EPN2: variants seen among roughly 807,000 people sequenced by gnomAD.
The protein encoded by EPN2 is epsin-2.
EPN2 carries 34 observed loss-of-function variants against 61.7 expected under a neutral mutation model. That is an observed-to-expected ratio of 0.55 (90% CI 0.42 to 0.73). The LOEUF is 0.73. EPN2 is among the 30% of genes least tolerant of loss of function. EPN2 has a pLI of 0.00. For missense variants in EPN2, 714 were observed against 839.2 expected (o/e 0.85, Z 1.84); for synonymous variants, 349 against 353.6 (o/e 0.99, Z 0.15).
At chr17:19,292,263 TGA>T (rs759168962) in intron 4 of EPN2, among the ~76,000 whole-genome samples, 1 of 152,158 alleles carries the variant, frequency 6.6e-6, no homozygotes, top group Non-Finnish European at 1.5e-5. Flanking sequence ...CGCCCGGGGC[TGA>T]GAGGTGGTTG....
Position 19,283,845 on chromosome 17 carries a change from G to C in EPN2, c.595+131G>C, listed in dbSNP as rs1352322540. The C allele has an allele frequency of 1.5e-6, 1 of 676,010 alleles. No individual in the cohort carries two copies. The highest frequency in any genetic ancestry group is 2.4e-6 in the Non-Finnish European group (1 of 408,438). The allele number at this position is 676,010 out of a possible 1,614,324, so 41.9% of individuals were successfully genotyped here. A position where few individuals can be genotyped will look rare whatever the true frequency, so the allele number is the denominator to read the frequency against. On this transcript the variant is annotated intron_variant, in intron 3 of 10. Coordinates refer to ENST00000314728, the MANE Select transcript of EPN2 (RefSeq NM_014964.5). This position sits in a 1 kb window ranked among gnomAD's most constrained non-coding sequence, Gnocchi z 7.0. ...AACCTGTCCTCAGTACCCAGCTTTT[G>C]GTGGCCCAGGCAAATTGTCCTTGGT... is the stretch of plus-strand genomic sequence containing the variant.
chr17:19,279,212 A>G (rs185882216), intron 1 of EPN2, among the ~76,000 whole-genome samples: 1 of 152,248 alleles, frequency 6.6e-6, no homozygotes, highest in Non-Finnish European at 1.5e-5. Flanking sequence ...TTCCCAGCTT[A>G]TGTCTGGGAG....
chr17:19,315,710 C>T (rs1011134358), intron 7 of EPN2, among the ~76,000 whole-genome samples: 1 of 152,130 alleles, frequency 6.6e-6, no homozygotes, highest in Non-Finnish European at 1.5e-5. Context: ...GTCTCAAACT[C>T]CTGACCTTAA....
chr17:19,295,366 A>ACGCGCGCGCGCGCGCGCGCG (rs1555600589), intron 4 of EPN2, among the ~76,000 whole-genome samples: 1 of 140,318 alleles, frequency 7.1e-6, no homozygotes. Context: ...ACACACACAC[A>ACGCGCGCGCGCGCGCGCGCG]CGCGCGTGCG....
chr17:19,273,808 C>T (rs974285629), intron 1 of EPN2, among the ~76,000 whole-genome samples: 4 of 152,170 alleles, frequency 2.6e-5, no homozygotes, highest in African/African-American at 7.2e-5. Context: ...TTTCATTTCT[C>T]TACGGGATGA....
At position 19,285,861 on chromosome 17, in the gene EPN2, C is replaced by T; in HGVS notation, c.766+71C>T. ...CTTGCTGGGGGTGTGCTTGCCATGC[C>T]AGTACAGCCAACTCTCTCCCTGTCT... On this transcript the variant is annotated intron_variant, in intron 4 of 10. Transcript: ENST00000314728. The surrounding 1 kb of genome is among the most constrained non-coding windows in gnomAD (Gnocchi z 4.5). The T allele has an allele frequency of 1.4e-6, 2 of 1,451,224 alleles. No homozygotes were observed. The highest frequency in any genetic ancestry group is 1.8e-6 in the Non-Finnish European group (2 of 1,091,858). 89.9% of individuals were successfully genotyped at this position (1,451,224 alleles called of 1,614,324 possible).
intron 4 of EPN2, among the ~76,000 whole-genome samples, chr17:19,289,074 GTTTTTTTTTTTTT>G (rs1162172422): frequency 1.5e-4 from 10 of 68,688 alleles, no homozygotes; most frequent in South Asian, 1.3e-3. Context: ...TTCTGGGTAT[GTTTTTTTTTTTTT>G]TTTTTTTTTT....
At chr17:19,333,679 G>A (rs1907265775) in intron 10 of EPN2, among the ~76,000 whole-genome samples, 1 of 152,170 alleles carries the variant, frequency 6.6e-6, no homozygotes, top group Admixed American at 6.5e-5. Context: ...AGGAGCCAGG[G>A]TGCCCCGAGA....
At position 19,335,338 on chromosome 17, in the gene EPN2, GA is replaced by G. The variant is rs1324689518; in HGVS notation, c.*1091del. ...ATATACCAACATCCTGAAAGTTAAAGAAAAAAATCTAATGTATGAATGTGAC... is the reference window on the plus strand; with the variant it reads ...ATATACCAACATCCTGAAAGTTAAAGAAAAAATCTAATGTATGAATGTGAC... On this transcript the variant is annotated 3_prime_UTR_variant, in exon 11 of 11. Coordinates refer to ENST00000314728, the MANE Select transcript of EPN2 (RefSeq NM_014964.5). The G allele has an allele frequency of 1.3e-6, 2 of 1,489,046 alleles. No homozygotes were observed. The highest frequency in any genetic ancestry group is 1.8e-6 in the Non-Finnish European group (2 of 1,103,470). 92.2% of individuals were successfully genotyped at this position (1,489,046 alleles called of 1,614,324 possible). A position where few individuals can be genotyped will look rare whatever the true frequency, so the allele number is the denominator to read the frequency against.
chr17:19,246,749 C>G (rs1214618081), intron 1 of EPN2, among the ~76,000 whole-genome samples: 1 of 143,740 alleles, frequency 7.0e-6, no homozygotes, highest in Non-Finnish European at 1.5e-5. Flanking sequence ...CCCCTGAAAG[C>G]AAGTCCTCCC....
At chr17:19,256,788 C>T (rs1397127144) in intron 1 of EPN2, among the ~76,000 whole-genome samples, 1 of 152,176 alleles carries the variant, frequency 6.6e-6, no homozygotes, top group Non-Finnish European at 1.5e-5. Context: ...ACAGGGTCTT[C>T]TGGGCCTTTC....
At chr17:19,263,217 C>T (rs891569555) in intron 1 of EPN2, among the ~76,000 whole-genome samples, 2 of 152,188 alleles carry the variant, frequency 1.3e-5, no homozygotes, top group Admixed American at 6.5e-5. Context: ...CCATGGCTGA[C>T]TTCAGAGGAG....
Position 19,309,922 on chromosome 17 carries a change from C to T in EPN2, c.804C>T (p.Ala268=), listed in dbSNP as rs1906037674. ...GAGTGTCCTCCGAGCTGGAGCAAGCCCGGCCCCAGACTAGTGGAGAAGAGG... is the reference window on the plus strand; with the variant it reads ...GAGTGTCCTCCGAGCTGGAGCAAGCTCGGCCCCAGACTAGTGGAGAAGAGG... ...SPRVSSELEQ[A]RPQTSGEEEL... Residue 268 remains alanine (A), a synonymous_variant, in exon 5 of 11, where the codon GCC becomes GCT. Coordinates refer to ENST00000314728, the MANE Select transcript of EPN2 (RefSeq NM_014964.5). 1 of 1,609,212 alleles carries T rather than the reference C, an allele frequency of 6.2e-7. No individual in the cohort carries two copies. Among genetic ancestry groups the T allele is most frequent in the African/African-American group, 1.3e-5 (1 of 74,922 alleles).
At chr17:19,255,651 T>G (rs1456907638) in intron 1 of EPN2, among the ~76,000 whole-genome samples, 1 of 149,650 alleles carries the variant, frequency 6.7e-6, no homozygotes, top group Non-Finnish European at 1.5e-5. Flanking sequence ...AGACAAAGAG[T>G]CTTGCTCTGT....
chr17:19,309,931 GAC>G lies in EPN2; in HGVS notation c.814_815del (p.Thr272Ter). 6.2e-7 allele frequency: 1 copy of G among 1,609,560 alleles called. No homozygotes were observed. Among genetic ancestry groups the G allele is most frequent in the Non-Finnish European group, 8.5e-7 (1 of 1,180,002 alleles). ...SSELEQARPQ[T>X]SGEEELQLQL... ...CCGAGCTGGAGCAAGCCCGGCCCCA[GAC>G]TAGTGGAGAAGAGGAGCTTCAGCTG... On this transcript the variant is annotated frameshift_variant, in exon 5 of 11. Coordinates refer to ENST00000314728, the MANE Select transcript of EPN2 (RefSeq NM_014964.5). LOFTEE classifies it high-confidence loss of function.
intron 1 of EPN2, among the ~76,000 whole-genome samples, chr17:19,262,419 C>T (rs577952519): frequency 1.3e-5 from 2 of 150,364 alleles, no homozygotes; most frequent in East Asian, 4.0e-4. Context: ...CGGAGGTTGC[C>T]GTGAGCCGAG....
At chr17:19,295,356 A>G (rs1326239205) in intron 4 of EPN2, among the ~76,000 whole-genome samples, 29 of 66,560 alleles carry the variant, frequency 4.4e-4, no homozygotes, top group East Asian at 1.2e-3. Flanking sequence ...ACACACACAC[A>G]CACACACACA....
At chr17:19,302,074 G>C (rs1905552384) in intron 4 of EPN2, among the ~76,000 whole-genome samples, 1 of 152,234 alleles carries the variant, frequency 6.6e-6, no homozygotes, top group Non-Finnish European at 1.5e-5. Context: ...GGAAGGGTTG[G>C]TAATGAAGAG....
intron 10 of EPN2, 112 bp from the exon 11 acceptor site, chr17:19,333,844 G>A (rs1262400454): frequency 6.0e-6 from 5 of 830,420 alleles, no homozygotes; most frequent in African/African-American, 1.7e-5. Context: ...GCACTGTCAC[G>A]GGCTCTGAGG....
Sources: allele counts gnomAD v4.1 joint callset (sites outside exome capture counted in the v4.1 genomes callset), GRCh38; gene constraint gnomAD v4.1.1; non-coding constraint Gnocchi (gnomAD v3.1); transcripts MANE v1.5; gene names NCBI Gene and HGNC (gene_info 2026-07-23, HGNC 2026-07-21).